KCNH1: variants seen among roughly 807,000 people sequenced by gnomAD.
KCNH1 encodes the protein voltage-gated delayed rectifier potassium channel KCNH1.
In KCNH1, 27 loss-of-function variants were observed where a neutral mutation model predicts 69.2. The observed-to-expected ratio is 0.39, with a 90% confidence interval of 0.29 to 0.54. The LOEUF (loss-of-function observed/expected upper bound fraction) is 0.54. Among genes scored for constraint, KCNH1 ranks in the 20% least tolerant of loss-of-function variants. The pLI, the probability that KCNH1 is intolerant of heterozygous loss-of-function variation, is 0.68. For missense variants in KCNH1, 798 were observed against 1,261.6 expected (o/e 0.63, Z 5.57); for synonymous variants, 456 against 487.7 (o/e 0.93, Z 0.86).
At chr1:210,785,348 AC>A (rs1244406301) in intron 9 of KCNH1, among the ~76,000 whole-genome samples, 1 of 152,070 alleles carries the variant, frequency 6.6e-6, no homozygotes, top group Non-Finnish European at 1.5e-5. Context: ...TCCTTTATCA[AC>A]TAAACTTCTT....
At chr1:210,972,243 AC>A (rs1249189189) in intron 6 of KCNH1, among the ~76,000 whole-genome samples, 2 of 152,058 alleles carry the variant, frequency 1.3e-5, no homozygotes, top group Non-Finnish European at 2.9e-5. Context: ...CTTGATCCTT[AC>A]AAGGACCCCA....
In KCNH1 at chr1:210,680,035, C is replaced by T. The variant is rs1461087056; in HGVS notation, c.*3246G>A. The T allele has an allele frequency of 2.0e-5, 3 of 151,890 alleles. No individual in the cohort carries two copies. Among genetic ancestry groups the T allele is most frequent in the African/African-American group, 7.3e-5 (3 of 41,294 alleles). The allele number at this position is 151,890 out of a possible 1,614,324, so 9.4% of individuals were successfully genotyped here. ...CCAAATGGTCGTCTCTGTTTCCGTC[C>T]TTTGGCTATCTTGTCATGTCCAGTG... is the stretch of plus-strand genomic sequence containing the variant. On this transcript the variant is annotated 3_prime_UTR_variant, in exon 11 of 11. Coordinates refer to ENST00000271751, the MANE Select transcript of KCNH1 (RefSeq NM_172362.3).
intron 5 of KCNH1, among the ~76,000 whole-genome samples, chr1:211,063,162 A>C (rs1690461714): frequency 6.6e-6 from 1 of 152,216 alleles, no homozygotes; most frequent in Non-Finnish European, 1.5e-5. Context: ...TTGCAACAAC[A>C]TGGATGGAAG....
At chr1:210,871,566 G>T (rs1468822213) in intron 7 of KCNH1, among the ~76,000 whole-genome samples, 3 of 152,078 alleles carry the variant, frequency 2.0e-5, no homozygotes, top group Non-Finnish European at 2.9e-5. Context: ...ATACACAAAG[G>T]ACTATAAATC....
rs1158076441 is a variant in KCNH1, at chr1:210,816,150, C to A, written c.1463-11984G>T. 5.3e-5 allele frequency among the ~76,000 whole-genome samples: 8 copies of A among 152,120 alleles called. No individual in the cohort carries two copies. The East Asian group carries it at 1.2e-3, about 22-fold the overall frequency. On this transcript the variant is annotated intron_variant, in intron 7 of 10. Coordinates refer to ENST00000271751, the MANE Select transcript of KCNH1 (RefSeq NM_172362.3). ...ATTGCCATAGGCATAGAAAGAAGCT[C>A]CCCGAAACAGAGAATATAAAACAGA...
At chr1:210,794,094 C>T (rs751302105) in intron 9 of KCNH1, among the ~76,000 whole-genome samples, 1 of 152,176 alleles carries the variant, frequency 6.6e-6, no homozygotes, top group Non-Finnish European at 1.5e-5. Flanking sequence ...CAAGAACAAA[C>T]TGATTTCAGT....
At position 210,680,192 on chromosome 1, in the gene KCNH1, C is replaced by T. The variant is rs1681229022; in HGVS notation, c.*3089G>A. ...AACCTTAAACCCACCCCTCCATCAG[C>T]CGGGAGGAGCACGTTCAACCAGCAG... On this transcript the variant is annotated 3_prime_UTR_variant, in exon 11 of 11. Coordinates refer to ENST00000271751, the MANE Select transcript of KCNH1 (RefSeq NM_172362.3). 1 of 152,164 alleles carries T rather than the reference C, an allele frequency of 6.6e-6. No homozygotes were observed. Among genetic ancestry groups the T allele is most frequent in the African/African-American group, 2.4e-5 (1 of 41,382 alleles). 9.4% of individuals were successfully genotyped at this position (152,164 alleles called of 1,614,324 possible). A position where few individuals can be genotyped will look rare whatever the true frequency, so the allele number is the denominator to read the frequency against.
At chr1:210,900,967 A>C (rs1686983475) in intron 7 of KCNH1, among the ~76,000 whole-genome samples, 1 of 152,102 alleles carries the variant, frequency 6.6e-6, no homozygotes, top group Non-Finnish European at 1.5e-5. Context: ...CTTTGGTAGA[A>C]AAGCTGCATC....
Position 210,757,970 on chromosome 1 carries a change from C to G in KCNH1, c.2112+17378G>C, listed in dbSNP as rs527431362. ...ACCAATCCTGGGCTGACAGCCTCCT[C>G]CAGCGGATACTGAGGACCCATCAGC... On this transcript the variant is annotated intron_variant, in intron 10 of 10. Transcript: ENST00000271751. Among the ~76,000 whole-genome samples, 9 of 152,330 alleles carry G rather than the reference C, an allele frequency of 5.9e-5. No homozygotes were observed. The East Asian group carries it at 1.5e-3, about 26-fold the overall frequency.
chr1:211,053,064 T>C (rs952152801), intron 5 of KCNH1, among the ~76,000 whole-genome samples: 1 of 152,242 alleles, frequency 6.6e-6, no homozygotes, highest in Non-Finnish European at 1.5e-5. Flanking sequence ...AAATTTAAGA[T>C]TGAGTAAAAC....
chr1:210,928,962 C>T (rs1202716142), intron 6 of KCNH1, among the ~76,000 whole-genome samples: 7 of 152,044 alleles, frequency 4.6e-5, no homozygotes, highest in Middle Eastern at 3.2e-3. Context: ...AAATATGCAA[C>T]CCTCCTAGAT....
chr1:210,792,543 A>C (rs1324396435), intron 9 of KCNH1, among the ~76,000 whole-genome samples: 1 of 152,080 alleles, frequency 6.6e-6, no homozygotes, highest in Non-Finnish European at 1.5e-5. Context: ...GAAACAGAGG[A>C]GGCCTTTGAA....
intron 6 of KCNH1, among the ~76,000 whole-genome samples, chr1:210,965,107 A>G (rs545178122): frequency 5.6e-4 from 86 of 152,306 alleles, no homozygotes; most frequent in Admixed American, 2.0e-3. Flanking sequence ...TCTCAAAATA[A>G]CAAGAACTAT....
Position 210,837,892 on chromosome 1 carries a change from CATT to C in KCNH1, c.1463-33729_1463-33727del, listed in dbSNP as rs747962973. Among the ~76,000 whole-genome samples, 9 of 152,266 alleles carry C rather than the reference CATT, an allele frequency of 5.9e-5. No individual in the cohort carries two copies. The South Asian group carries it at 6.2e-4, about 11-fold the overall frequency. ...ACTGCAACTAATAAATGCTAGGTATCATTGTTGTTATTTTATGAAAATGCTTTG... is the reference window on the plus strand; with the variant it reads ...ACTGCAACTAATAAATGCTAGGTATCGTTGTTATTTTATGAAAATGCTTTG... On this transcript the variant is annotated intron_variant, in intron 7 of 10. Transcript: ENST00000271751.
chr1:210,802,797 C>G (rs1386082955), intron 8 of KCNH1, among the ~76,000 whole-genome samples: 1 of 152,186 alleles, frequency 6.6e-6, no homozygotes, highest in African/African-American at 2.4e-5. Flanking sequence ...AACTCTTGAT[C>G]ACTGTTTCCT....
chr1:210,867,000 T>A (rs1001633781), intron 7 of KCNH1, among the ~76,000 whole-genome samples: 1 of 152,076 alleles, frequency 6.6e-6, no homozygotes, highest in East Asian at 1.9e-4. Flanking sequence ...CCAAGTGAAA[T>A]AAGCCAGTCA....
intron 10 of KCNH1, among the ~76,000 whole-genome samples, chr1:210,738,384 C>A (rs1024611824): frequency 3.3e-5 from 5 of 152,012 alleles, no homozygotes; most frequent in African/African-American, 1.2e-4. Context: ...GTTTTGTGAA[C>A]AAATGAGAAA....
At chr1:210,959,121 A>G (rs1688246759) in intron 6 of KCNH1, among the ~76,000 whole-genome samples, 1 of 152,102 alleles carries the variant, frequency 6.6e-6, no homozygotes. Context: ...TTTTGTTGAT[A>G]TTGATGTTAT....
At chr1:211,060,400 CAAAAAAAAAAAA>C (rs60620622) in intron 5 of KCNH1, among the ~76,000 whole-genome samples, 2 of 44,324 alleles carry the variant, frequency 4.5e-5, no homozygotes, top group Non-Finnish European at 7.1e-5. Flanking sequence ...GACTCCGTCT[CAAAAAAAAAAAA>C]AAAAAAAAAA....
Sources: allele counts gnomAD v4.1 joint callset (sites outside exome capture counted in the v4.1 genomes callset), GRCh38; gene constraint gnomAD v4.1.1; transcripts MANE v1.5; gene names NCBI Gene and HGNC (gene_info 2026-07-23, HGNC 2026-07-21).